Variants in IQCK observed in about 807,000 individuals in gnomAD.
IQCK encodes IQ motif containing K.
Under a neutral mutation model 28.1 loss-of-function variants are expected in IQCK, and 29 were observed. That is an observed-to-expected ratio of 1.03 (90% CI 0.77 to 1.41). The LOEUF is 1.41. Ranked by LOEUF, IQCK falls within the 40% of genes most tolerant of loss-of-function variation. The pLI is 0.00. For synonymous variants in IQCK, 113 were observed against 115.1 expected (o/e 0.98, Z 0.12); for missense variants, 359 against 314.7 (o/e 1.14, Z -1.07).
chr16:19,785,387 G>C (rs2055548806), intron 6 of IQCK, among the ~76,000 whole-genome samples: 2 of 152,142 alleles, frequency 1.3e-5, no homozygotes, highest in South Asian at 4.1e-4. Flanking sequence ...CATTTGAGGA[G>C]CTGCCAAGTG....
At chr16:19,735,428 C>G in exon 4 of IQCK, 1 of 1,612,896 alleles carries the variant, frequency 6.2e-7, no homozygotes, top group Middle Eastern at 1.7e-4. Flanking sequence ...CTTCACCAAG[C>G]GAAGAAAGAA....
chr16:19,760,754 A>G (rs11074407), intron 4 of IQCK, among the ~76,000 whole-genome samples: 52,031 of 152,024 alleles, frequency 0.34, 13,944 homozygotes, highest in African/African-American at 0.75. Flanking sequence ...AATTCAGGGC[A>G]AGTCCGTAAA....
intron 6 of IQCK, among the ~76,000 whole-genome samples, chr16:19,782,998 TGTG>T (rs147702615): frequency 7.2e-6 from 1 of 138,796 alleles, no homozygotes; most frequent in African/African-American, 2.6e-5. Context: ...CTTCTTTTTT[TGTG>T]TGTGTGTGTG....
intron 7 of IQCK, among the ~76,000 whole-genome samples, chr16:19,824,049 G>C (rs2056110456): frequency 6.6e-6 from 1 of 152,218 alleles, no homozygotes; most frequent in African/African-American, 2.4e-5. Context: ...ATGAGGGACT[G>C]GGGTTGGGGG....
At chr16:19,836,747 T>C (rs2056304309) in intron 9 of IQCK, among the ~76,000 whole-genome samples, 1 of 152,156 alleles carries the variant, frequency 6.6e-6, no homozygotes. Flanking sequence ...CTCTTGACTT[T>C]GTGATCCGCC....
At chr16:19,845,797 G>A (rs1037958364) in intron 9 of IQCK, among the ~76,000 whole-genome samples, 16 of 152,106 alleles carry the variant, frequency 1.1e-4, no homozygotes, top group Non-Finnish European at 1.8e-4. Flanking sequence ...TTTTATAGCC[G>A]GGCATGGTGG....
intron 4 of IQCK, among the ~76,000 whole-genome samples, chr16:19,741,738 C>A (rs1263015691): frequency 6.6e-6 from 1 of 152,074 alleles, no homozygotes; most frequent in Non-Finnish European, 1.5e-5. Context: ...TGTAATCCCA[C>A]CACTTAGAGA....
At chr16:19,744,844 G>A (rs1319979444) in intron 4 of IQCK, among the ~76,000 whole-genome samples, 3 of 152,216 alleles carry the variant, frequency 2.0e-5, no homozygotes, top group African/African-American at 7.2e-5. Flanking sequence ...AACGGAAAAT[G>A]ATTGCTTTGT....
intron 6 of IQCK, among the ~76,000 whole-genome samples, chr16:19,768,062 A>G (rs2055267746): frequency 1.4e-5 from 2 of 147,474 alleles, no homozygotes; most frequent in Admixed American, 6.8e-5. Flanking sequence ...ATATATAGCC[A>G]GGATTAAGAG....
chr16:19,721,850 T>C (rs1199251886), intron 1 of IQCK, among the ~76,000 whole-genome samples: 2 of 152,172 alleles, frequency 1.3e-5, no homozygotes, highest in African/African-American at 4.8e-5. Flanking sequence ...AGTGCTGGGA[T>C]TACAGGCGTG....
At chr16:19,768,797 C>T (rs551809281) in intron 6 of IQCK, among the ~76,000 whole-genome samples, 113 of 152,260 alleles carry the variant, frequency 7.4e-4, no homozygotes, top group African/African-American at 2.6e-3. Flanking sequence ...CTTACTGATC[C>T]TATGATCTTG....
intron 9 of IQCK, among the ~76,000 whole-genome samples, chr16:19,843,527 C>T (rs1343764391): frequency 6.6e-6 from 1 of 152,226 alleles, no homozygotes; most frequent in East Asian, 1.9e-4. Flanking sequence ...TTTATCCATG[C>T]TGTAGCATGT....
intron 1 of IQCK, among the ~76,000 whole-genome samples, chr16:19,724,121 A>G (rs773401094): frequency 1.3e-5 from 2 of 152,124 alleles, no homozygotes; most frequent in Non-Finnish European, 2.9e-5. Context: ...CCAGTGCACC[A>G]TACTATTCCT....
At chr16:19,854,595 G>C (rs1327291210) in intron 9 of IQCK, among the ~76,000 whole-genome samples, 1 of 152,216 alleles carries the variant, frequency 6.6e-6, no homozygotes, top group Admixed American at 6.5e-5. Flanking sequence ...CTGAAGTTAT[G>C]CCTGATGCTG....
chr16:19,741,467 A>G (rs1298348617), intron 4 of IQCK, among the ~76,000 whole-genome samples: 1 of 152,216 alleles, frequency 6.6e-6, no homozygotes, highest in Non-Finnish European at 1.5e-5. Flanking sequence ...GTAAGCAGTG[A>G]TAAAATGCTT....
rs1298111574 is a variant in IQCK at position 19,764,027 on chromosome 16, A to C, written c.528-8A>C. On this transcript the variant is annotated splice_polypyrimidine_tract_variant and splice_region_variant and intron_variant, in intron 5 of 7. Transcript: ENST00000564186. ...TCTTGTCAATCAAACATATGGCATC[A>C]TGACCAGCCAAAATCCAAAGAGGGC... is the stretch of plus-strand genomic sequence containing the variant. 9 of 1,613,880 alleles carry C rather than the reference A, an allele frequency of 5.6e-6. 1 individual carries two copies. In the South Asian group the frequency reaches 9.9e-5, roughly 18 times the overall value.
intron 3 of IQCK, among the ~76,000 whole-genome samples, chr16:19,734,479 A>AAAG (rs1555514170): frequency 5.6e-5 from 8 of 142,720 alleles, no homozygotes; most frequent in Admixed American, 1.4e-4. Context: ...AAAAAAAAAA[A>AAAG]TTATCCAGGC....
chr16:19,845,147 T>C (rs2056402400), intron 9 of IQCK, among the ~76,000 whole-genome samples: 4 of 152,222 alleles, frequency 2.6e-5, no homozygotes, highest in African/African-American at 9.6e-5. Context: ...GTTAGCCCTA[T>C]CTGCCCTGGG....
intron 1 of IQCK, 58 bp downstream of exon 1, chr16:19,718,545 G>A: frequency 6.9e-7 from 1 of 1,444,818 alleles, no homozygotes. Flanking sequence ...CGGGGGCCGC[G>A]TTTGGGGAGC....
Sources: allele counts gnomAD v4.1 joint callset (sites outside exome capture counted in the v4.1 genomes callset), GRCh38; gene constraint gnomAD v4.1.1; transcripts MANE v1.5; gene names NCBI Gene and HGNC (gene_info 2026-07-23, HGNC 2026-07-21).